The following ERBB4 variants were observed in gnomAD, a reference collection of about 807,000 sequenced individuals.
ERBB4 encodes receptor tyrosine-protein kinase erbB-4.
ERBB4 carries 42 observed loss-of-function variants against 158.0 expected under a neutral mutation model. That is an observed-to-expected ratio of 0.27 (90% CI 0.21 to 0.34). The LOEUF is 0.34. Among genes scored for constraint, ERBB4 ranks in the 10% least tolerant of loss-of-function variants. ERBB4 has a pLI of 1.00. For synonymous variants in ERBB4, 583 were observed against 558.7 expected, an observed-to-expected ratio of 1.04 and a Z score of -0.61; for missense variants, 1,333 against 1,624.1, an observed-to-expected ratio of 0.82 and a Z score of 3.08.
chr2:211,755,282 G>A (rs1247799171), intron 4 of ERBB4, among the ~76,000 whole-genome samples: 1 of 152,138 alleles, frequency 6.6e-6, no homozygotes, highest in Admixed American at 6.5e-5. Context: ...TGGGCTGACT[G>A]CTTGAGCCCA....
chr2:212,337,613 G>C (rs540927533), intron 1 of ERBB4, among the ~76,000 whole-genome samples: 40 of 152,046 alleles, frequency 2.6e-4, no homozygotes, highest in Non-Finnish European at 5.6e-4. Context: ...GTCACATTCT[G>C]TATGTCTGGA....
At chr2:212,095,341 C>T (rs977613967) in intron 2 of ERBB4, among the ~76,000 whole-genome samples, 7 of 152,196 alleles carry the variant, frequency 4.6e-5, no homozygotes, top group South Asian at 2.1e-4. Flanking sequence ...AGCTTTCTCC[C>T]GGGATCCATT....
chr2:211,763,593 C>T (rs2075470100), intron 4 of ERBB4, among the ~76,000 whole-genome samples: 1 of 152,062 alleles, frequency 6.6e-6, no homozygotes, highest in Middle Eastern at 3.2e-3. Context: ...TGGTTTGGGA[C>T]TTTATAATTA....
intron 25 of ERBB4, among the ~76,000 whole-genome samples, chr2:211,388,744 T>C (rs2062740310): frequency 6.6e-6 from 1 of 152,050 alleles, no homozygotes; most frequent in African/African-American, 2.4e-5. Flanking sequence ...CTCCATCCTA[T>C]GGGCTAACTG....
intron 1 of ERBB4, among the ~76,000 whole-genome samples, chr2:212,428,065 T>A (rs1196772792): frequency 6.8e-6 from 1 of 147,728 alleles, no homozygotes; most frequent in Non-Finnish European, 1.5e-5. Context: ...ATAAATTATC[T>A]CCATTTTGCA....
chr2:211,553,241 T>C (rs1279189033), intron 20 of ERBB4, among the ~76,000 whole-genome samples: 1 of 152,056 alleles, frequency 6.6e-6, no homozygotes. Context: ...AATGCTGAGA[T>C]TATAGGCATG....
chr2:211,571,939 A>AT lies in ERBB4; in HGVS notation c.2302-9852dup, dbSNP rs556769450. Among the ~76,000 whole-genome samples, 146 of 149,768 alleles carry AT rather than the reference A, an allele frequency of 9.7e-4. 1 individual carries two copies. Among genetic ancestry groups the AT allele is most frequent in the South Asian group, 6.1e-3 (29 of 4,740 alleles). On this transcript the variant is annotated intron_variant, in intron 19 of 27. Transcript: ENST00000342788. ...ACGAGCTTGCCTGCTTTACTTTACT[A>AT]TTTTTTTTTTAATTTCAGAAACATT...
chr2:212,183,908 T>C (rs2081943998), intron 1 of ERBB4, among the ~76,000 whole-genome samples: 1 of 152,122 alleles, frequency 6.6e-6, no homozygotes, highest in South Asian at 2.1e-4. Context: ...AGGTCTATTC[T>C]TTTTCATTTT....
intron 20 of ERBB4, among the ~76,000 whole-genome samples, chr2:211,559,341 A>G (rs2067323336): frequency 6.6e-6 from 1 of 152,218 alleles, no homozygotes; most frequent in Non-Finnish European, 1.5e-5. Flanking sequence ...GATTATGTCA[A>G]TTGCATGTTA....
chr2:212,121,863 A>C (rs964668903), intron 2 of ERBB4, among the ~76,000 whole-genome samples: 7 of 151,586 alleles, frequency 4.6e-5, no homozygotes, highest in African/African-American at 1.7e-4. Flanking sequence ...CTTACAACCC[A>C]CTCACCTCTT....
At chr2:212,064,110 C>T (rs746656245) in intron 2 of ERBB4, among the ~76,000 whole-genome samples, 4 of 152,036 alleles carry the variant, frequency 2.6e-5, no homozygotes, top group Admixed American at 6.6e-5. Flanking sequence ...AGCATTGTAG[C>T]TGAATGTAGA....
At position 212,104,755 on chromosome 2, in the gene ERBB4, G is replaced by A. The variant is rs1396709094; in HGVS notation, c.234+19997C>T. Among the ~76,000 whole-genome samples, 9 of 152,156 alleles carry A rather than the reference G, an allele frequency of 5.9e-5. No individual in the cohort carries two copies. In the South Asian group the frequency reaches 1.5e-3, roughly 25 times the overall value. ...AACTTCACATTCTTTATGATATTGC[G>A]ATTGTTTAAAAGCAGAAGTCAAGTC... On this transcript the variant is annotated intron_variant, in intron 2 of 27. Transcript: ENST00000342788.
At chr2:211,640,419 A>G (rs1368011717) in intron 16 of ERBB4, among the ~76,000 whole-genome samples, 6 of 152,178 alleles carry the variant, frequency 3.9e-5, no homozygotes, top group African/African-American at 1.4e-4. Flanking sequence ...TTGGACATCT[A>G]TCTAGAGTCA....
chr2:211,484,503 A>G (rs1243828102), intron 20 of ERBB4, among the ~76,000 whole-genome samples: 5 of 152,200 alleles, frequency 3.3e-5, no homozygotes, highest in African/African-American at 4.8e-5. Flanking sequence ...TTAAAAGTAA[A>G]GGGATGGAAA....
At chr2:211,390,388 C>T (rs2062776378) in intron 25 of ERBB4, among the ~76,000 whole-genome samples, 1 of 152,126 alleles carries the variant, frequency 6.6e-6, no homozygotes, top group Non-Finnish European at 1.5e-5. Flanking sequence ...TATTAGAATG[C>T]CAGGTATTCC....
intron 2 of ERBB4, among the ~76,000 whole-genome samples, chr2:211,965,838 A>T (rs1433239643): frequency 6.6e-6 from 1 of 152,218 alleles, no homozygotes; most frequent in Non-Finnish European, 1.5e-5. Flanking sequence ...AAAGCCATAA[A>T]ATACACTTGT....
At chr2:211,921,356 T>A (rs2079853216) in intron 3 of ERBB4, among the ~76,000 whole-genome samples, 1 of 152,058 alleles carries the variant, frequency 6.6e-6, no homozygotes. Context: ...ACCAGCTATC[T>A]GAAGAGTATA....
At position 211,694,573 on chromosome 2, in the gene ERBB4, T is replaced by A. The variant is rs537426316; in HGVS notation, c.1489+7394A>T. On this transcript the variant is annotated intron_variant, in intron 12 of 27. Coordinates refer to ENST00000342788, the MANE Select transcript of ERBB4 (RefSeq NM_005235.3). ...TCTTACTTGAATGCTTTTTTTTTTT[T>A]ACAAAGAACAGTGTATTGATGTATT... Among the ~76,000 whole-genome samples, 28 of 151,720 alleles carry A rather than the reference T, an allele frequency of 1.8e-4. No homozygotes were observed. In the South Asian group the frequency reaches 5.8e-3, roughly 32 times the overall value.
chr2:212,441,955 G>T (rs939630312), intron 1 of ERBB4, among the ~76,000 whole-genome samples: 1 of 152,192 alleles, frequency 6.6e-6, no homozygotes, highest in Non-Finnish European at 1.5e-5. Flanking sequence ...TCTTTGAAGA[G>T]CCTGTAATTG....
Sources: gnomAD v4.1 joint callset for allele counts (sites outside exome capture counted in the v4.1 genomes callset) on GRCh38, gnomAD v4.1.1 for gene constraint, MANE v1.5 for transcripts, NCBI Gene and HGNC (gene_info 2026-07-23, HGNC 2026-07-21) for gene names.